Variants in ATG7 observed in about 807,000 individuals in gnomAD.
ATG7 encodes the protein ubiquitin-like modifier-activating enzyme ATG7.
ATG7 carries 70 observed loss-of-function variants against 82.4 expected under a neutral mutation model. The observed-to-expected ratio is 0.85, with a 90% CI of 0.70 to 1.04. The LOEUF (loss-of-function observed/expected upper bound fraction) is 1.04, where lower values mean the gene tolerates loss of function less well. ATG7 is among the 50% of genes least tolerant of loss of function. ATG7 has a pLI of 0.00. For synonymous variants in ATG7, 287 were observed against 313.0 expected, an observed-to-expected ratio of 0.92 and a Z score of 0.88; for missense variants, 792 against 864.3, an observed-to-expected ratio of 0.92 and a Z score of 1.05.
intron 3 of ATG7, among the ~76,000 whole-genome samples, chr3:11,294,722 A>C (rs1242481752): frequency 1.3e-5 from 2 of 152,204 alleles, no homozygotes; most frequent in Admixed American, 6.5e-5. Flanking sequence ...GCACTAGGCA[A>C]ACTCCAGACT....
chr3:11,321,737 G>A (rs1950252548), intron 9 of ATG7, among the ~76,000 whole-genome samples: 1 of 152,214 alleles, frequency 6.6e-6, no homozygotes. Flanking sequence ...TAAGCATACA[G>A]TAACAACACC....
At position 11,486,562 on chromosome 3, in the gene ATG7, T is replaced by G. The variant is rs543297808; in HGVS notation, c.2079+59636T>G. Among the ~76,000 whole-genome samples the G allele has an allele frequency of 6.0e-4, 90 of 151,062 alleles. 3 individuals are homozygous for G. The East Asian group carries it at 0.018, about 30-fold the overall frequency. On this transcript the variant is annotated intron_variant, in intron 20 of 20. Coordinates refer to ENST00000693202, the MANE Select transcript of ATG7 (RefSeq NM_001349232.2). ...CCTGCCTAATTACCCTGGCCAGAAC[T>G]TCCAACACTATGTTGAATAGGAGTG...
chr3:11,379,146 G>T (rs2077680184), intron 18 of ATG7, among the ~76,000 whole-genome samples: 1 of 152,056 alleles, frequency 6.6e-6, no homozygotes, highest in Non-Finnish European at 1.5e-5. Flanking sequence ...AACATAAAAT[G>T]GGGAATTTGA....
At chr3:11,412,531 C>T (rs575551394) in intron 19 of ATG7, among the ~76,000 whole-genome samples, 26 of 152,038 alleles carry the variant, frequency 1.7e-4, no homozygotes, top group Non-Finnish European at 3.5e-4. Context: ...TGTCTTTATG[C>T]GGTACTATGC....
At chr3:11,335,594 C>G (rs1211253345) in intron 11 of ATG7, among the ~76,000 whole-genome samples, 1 of 152,186 alleles carries the variant, frequency 6.6e-6, no homozygotes, top group African/African-American at 2.4e-5. Flanking sequence ...TTCTGCCAAC[C>G]ACTCTGCAGA....
intron 19 of ATG7, among the ~76,000 whole-genome samples, chr3:11,401,440 C>T (rs1444354696): frequency 2.0e-5 from 3 of 152,146 alleles, no homozygotes; most frequent in African/African-American, 7.2e-5. Flanking sequence ...GTTGTATCTT[C>T]TAAAAATTCA....
the ATG7 span, among the ~76,000 whole-genome samples, chr3:11,574,992 G>T: frequency 6.6e-6 from 1 of 151,838 alleles, no homozygotes; most frequent in Non-Finnish European, 1.5e-5. Flanking sequence ...TGGGGAGGAT[G>T]AAAGAATAAA....
chr3:11,560,788 G>A (rs575175620), downstream of ATG7, among the ~76,000 whole-genome samples: 11 of 152,244 alleles, frequency 7.2e-5, no homozygotes, highest in Admixed American at 2.0e-4. Context: ...GGGTTCGTAC[G>A]GCCTCCATGG....
intron 20 of ATG7, among the ~76,000 whole-genome samples, chr3:11,537,670 A>T (rs2070438407): frequency 6.6e-6 from 1 of 152,194 alleles, no homozygotes; most frequent in Admixed American, 6.5e-5. Context: ...TCCACACTTC[A>T]TCATCTGCCC....
rs1425812876 is a variant in ATG7, at chr3:11,555,955, G to C, written c.*1112G>C. Reference sequence around the variant, plus strand: ...GCTTCTCCCAAAGTAGCCAGTCCAAGTTCCAGTGGCTGTCGTTCAGCTCAT... The same window carrying C: ...GCTTCTCCCAAAGTAGCCAGTCCAACTTCCAGTGGCTGTCGTTCAGCTCAT... On this transcript the variant is annotated 3_prime_UTR_variant, in exon 21 of 21. Coordinates refer to ENST00000693202, the MANE Select transcript of ATG7 (RefSeq NM_001349232.2). The C allele has an allele frequency of 6.5e-6, 1 of 152,692 alleles. No homozygotes were observed. Among genetic ancestry groups the C allele is most frequent in the Non-Finnish European group, 1.5e-5 (1 of 68,054 alleles). The allele number at this position is 152,692 out of a possible 1,614,324, so 9.5% of individuals were successfully genotyped here.
intron 20 of ATG7, among the ~76,000 whole-genome samples, chr3:11,483,959 C>T (rs965812609): frequency 1.3e-5 from 2 of 152,116 alleles, no homozygotes; most frequent in Non-Finnish European, 2.9e-5. Flanking sequence ...TCCATCATTA[C>T]CCTAAAAATA....
At chr3:11,558,250 C>CT, downstream of ATG7, 1 of 472,610 alleles carries the variant, frequency 2.1e-6, no homozygotes, top group South Asian at 3.1e-5. Context: ...GCTGTGGAGT[C>CT]CTGGCCCCGT....
intron 20 of ATG7, among the ~76,000 whole-genome samples, chr3:11,499,464 G>A (rs1409699466): frequency 6.6e-6 from 1 of 152,040 alleles, no homozygotes; most frequent in Non-Finnish European, 1.5e-5. Context: ...TCTAAAATAC[G>A]GCCAGGCGCA....
chr3:11,422,349 G>A (rs1238897623), intron 19 of ATG7, among the ~76,000 whole-genome samples: 1 of 152,218 alleles, frequency 6.6e-6, no homozygotes, highest in East Asian at 1.9e-4. Context: ...TTCTACATCA[G>A]TACTTGCTGC....
At chr3:11,418,987 G>T (rs114614306) in intron 19 of ATG7, among the ~76,000 whole-genome samples, 3 of 151,516 alleles carry the variant, frequency 2.0e-5, no homozygotes, top group African/African-American at 4.9e-5. Context: ...TCCAGTCACC[G>T]CCCACCAGGT....
chr3:11,553,649 C>T (rs1229221228), intron 20 of ATG7, among the ~76,000 whole-genome samples: 1 of 152,204 alleles, frequency 6.6e-6, no homozygotes, highest in Admixed American at 6.5e-5. Flanking sequence ...CCATCCACAG[C>T]CTGGCTGGGC....
chr3:11,559,796 T>G (rs1002599080), downstream of ATG7, among the ~76,000 whole-genome samples: 21 of 152,228 alleles, frequency 1.4e-4, no homozygotes, highest in Admixed American at 1.4e-3. Context: ...AGGAGGGACC[T>G]CGATTCTCCC....
chr3:11,393,601 G>T (rs532788310), intron 19 of ATG7, among the ~76,000 whole-genome samples: 1 of 152,286 alleles, frequency 6.6e-6, no homozygotes, highest in African/African-American at 2.4e-5. Context: ...GCCTGCCATG[G>T]TGTTTTAGTC....
At chr3:11,493,419 A>C (rs184877739) in intron 20 of ATG7, among the ~76,000 whole-genome samples, 2 of 152,206 alleles carry the variant, frequency 1.3e-5, no homozygotes, top group African/African-American at 2.4e-5. Flanking sequence ...GCAACATTCA[A>C]TTGGTAAAAA....
Sources: allele counts gnomAD v4.1 joint callset (sites outside exome capture counted in the v4.1 genomes callset), GRCh38; gene constraint gnomAD v4.1.1; transcripts MANE v1.5; gene names NCBI Gene and HGNC (gene_info 2026-07-23, HGNC 2026-07-21).